Variants in NSD1 observed in about 807,000 individuals in gnomAD.
The protein encoded by NSD1 is histone-lysine N-methyltransferase, H3 lysine-36 specific.
In NSD1, 26 loss-of-function variants were observed where a neutral mutation model predicts 242.7. The observed-to-expected ratio is 0.11, with a 90% CI of 0.08 to 0.15. The LOEUF (loss-of-function observed/expected upper bound fraction) is 0.15. NSD1 is among the 10% of genes least tolerant of loss of function. The pLI is 1.00. For synonymous variants in NSD1, 1,106 were observed against 1,178.1 expected (o/e 0.94, Z 1.25); for missense variants, 2,495 against 3,272.8 (o/e 0.76, Z 5.80).
chr5:177,260,339 CTTTTTTTTTT>C (rs1174250871), intron 14 of NSD1, among the ~76,000 whole-genome samples, 171 bp downstream of exon 14: 1 of 85,836 alleles, frequency 1.2e-5, no homozygotes, highest in Non-Finnish European at 2.2e-5. Flanking sequence ...CATAGCAGAA[CTTTTTTTTTT>C]TTTTTTTTTT....
chr5:177,298,941 C>G lies in NSD1; in HGVS notation c.*3482C>G, dbSNP rs924707439. On this transcript the variant is annotated 3_prime_UTR_variant, in exon 23 of 23. Coordinates refer to ENST00000439151, the MANE Select transcript of NSD1 (RefSeq NM_022455.5). ...CAGCCAGGTTAGAGGAGCCCAGTGT[C>G]CTAACCTCTCTCAGATCATGGCAGA... The G allele has an allele frequency of 4.3e-6, 1 of 233,212 alleles. No individual in the cohort carries two copies. Among genetic ancestry groups the G allele is most frequent in the African/African-American group, 2.2e-5 (1 of 45,470 alleles). 14.4% of individuals were successfully genotyped at this position (233,212 alleles called of 1,614,324 possible). A position where few individuals can be genotyped will look rare whatever the true frequency, so the allele number is the denominator to read the frequency against.
rs114703196 is a variant in NSD1 at position 177,149,889 on chromosome 5, C to G, written c.927+13859C>G. 7.1e-3 allele frequency among the ~76,000 whole-genome samples: 1,074 copies of G among 152,198 alleles called. 16 individuals carry two copies. The highest frequency in any genetic ancestry group is 0.025 in the African/African-American group (1,028 of 41,542). The stretch of plus-strand genomic sequence containing the variant: ...GGCCTGGGCGTTGGGGACCCCTGTT[C>G]TAGATGATCCACATTCTTTTAAATG... On this transcript the variant is annotated intron_variant, in intron 2 of 22. Transcript: ENST00000439151.
At chr5:177,144,647 G>C (rs1757087122) in intron 2 of NSD1, among the ~76,000 whole-genome samples, 1 of 152,060 alleles carries the variant, frequency 6.6e-6, no homozygotes, top group Non-Finnish European at 1.5e-5. Context: ...CTGGTTTTCA[G>C]GGGAGCCCAT....
chr5:177,299,897 GA>G lies in NSD1; in HGVS notation c.*4439del, dbSNP rs1047309574. On this transcript the variant is annotated 3_prime_UTR_variant, in exon 23 of 23. Coordinates refer to ENST00000439151, the MANE Select transcript of NSD1 (RefSeq NM_022455.5). ...GGTGGGTGCTACCTGTGTGTGTGTA[GA>G]TGAGTGTGCTGAAGGTGGGGAGGGC... The G allele has an allele frequency of 4.3e-6, 1 of 233,200 alleles. No individual in the cohort carries two copies. 14.4% of individuals were successfully genotyped at this position (233,200 alleles called of 1,614,324 possible).
In NSD1 at chr5:177,251,792, G is replaced by A. The variant is rs372197933; in HGVS notation, c.4704G>A (p.Leu1568=). The change falls in exon 12 of 23, where the codon CTG becomes CTA. Residue 1568 remains leucine, a synonymous_variant. Transcript: ENST00000439151. Reference sequence around the variant, plus strand: ...CTCAGTGCTGTGGGGCTTTCCACCTGGAGTGCCTTGGATTGACTGAGATGC... The same window carrying A: ...CTCAGTGCTGTGGGGCTTTCCACCTAGAGTGCCTTGGATTGACTGAGATGC... ...CEAQCCGAFH[L]ECLGLTEMPR... is the part of the protein sequence containing the mutation. 6.2e-7 allele frequency: 1 copy of A among 1,614,002 alleles called. No individual in the cohort carries two copies. Among genetic ancestry groups the A allele is most frequent in the African/African-American group, 1.3e-5 (1 of 74,930 alleles).
At chr5:177,172,491 G>GT (rs987645120) in intron 2 of NSD1, among the ~76,000 whole-genome samples, 1 of 152,142 alleles carries the variant, frequency 6.6e-6, no homozygotes, top group African/African-American at 2.4e-5. Flanking sequence ...TGACTTTGAA[G>GT]TAACATGAAT....
chr5:177,138,826 A>T (rs1320489467), intron 2 of NSD1, among the ~76,000 whole-genome samples: 1 of 149,586 alleles, frequency 6.7e-6, no homozygotes, highest in Admixed American at 6.6e-5. Context: ...TTTAGTAGAG[A>T]TGGGGTTTTA....
At position 177,294,706 on chromosome 5, in the gene NSD1, T is replaced by C; in HGVS notation, c.7338T>C (p.Thr2446=). 6.2e-7 allele frequency: 1 copy of C among 1,614,208 alleles called. No homozygotes were observed. Among genetic ancestry groups the C allele is most frequent in the Admixed American group, 1.7e-5 (1 of 60,026 alleles). ...CACTGAGGCCTGTGGACCAGAATAC[T>C]CAGTCAAAAAATAGAGCTGCTTTGG... ...EKALRPVDQN[T]QSKNRAALVM... Residue 2446 remains threonine (T), a synonymous_variant, in exon 23 of 23, where the codon ACT becomes ACC. Transcript: ENST00000439151.
intron 2 of NSD1, among the ~76,000 whole-genome samples, chr5:177,153,208 G>GTTT (rs575455880): frequency 8.1e-5 from 11 of 135,838 alleles, no homozygotes; most frequent in African/African-American, 1.9e-4. Flanking sequence ...TTCTTTTTCT[G>GTTT]TTTTTTTTTT....
At chr5:177,263,672 C>T (rs1757172283) in intron 14 of NSD1, among the ~76,000 whole-genome samples, 5 of 152,186 alleles carry the variant, frequency 3.3e-5, no homozygotes, top group Admixed American at 3.3e-4. Context: ...TGAGTTAAAG[C>T]ACTCATGCAA....
intron 5 of NSD1, among the ~76,000 whole-genome samples, chr5:177,213,553 C>T (rs1282145916): frequency 7.9e-5 from 12 of 152,128 alleles, no homozygotes; most frequent in Non-Finnish European, 1.5e-4. Flanking sequence ...CTGCAGGCTC[C>T]GCCTCCCGGG....
chr5:177,154,292 G>C (rs1757951764), intron 2 of NSD1, among the ~76,000 whole-genome samples: 1 of 152,070 alleles, frequency 6.6e-6, no homozygotes, highest in Admixed American at 6.6e-5. Context: ...AGATAGGGAA[G>C]GGATTACACA....
chr5:177,253,882 C>T (rs1285005036), intron 12 of NSD1, among the ~76,000 whole-genome samples: 1 of 152,176 alleles, frequency 6.6e-6, no homozygotes, highest in Non-Finnish European at 1.5e-5. Context: ...AGCAGTCCTC[C>T]TCGTTCAGCC....
chr5:177,194,718 T>C (rs1265036961), intron 3 of NSD1, among the ~76,000 whole-genome samples: 1 of 143,668 alleles, frequency 7.0e-6, no homozygotes, highest in Non-Finnish European at 1.5e-5. Context: ...TTTTTTTTTT[T>C]TGAGGCAGAG....
Position 177,240,070 on chromosome 5 carries a change from G to A in NSD1, c.4302+205G>A, listed in dbSNP as rs542332553. On this transcript the variant is annotated intron_variant, in intron 8 of 22. Transcript: ENST00000439151. The stretch of plus-strand genomic sequence containing the variant: ...CATGTATGTGTATAAACTGGTTTCA[G>A]GTTTCCTTTCCAAGTGAAAAAAATT... Among the ~76,000 whole-genome samples the A allele has an allele frequency of 2.0e-5, 3 of 152,244 alleles. No homozygotes were observed. The East Asian group carries it at 5.8e-4, about 29-fold the overall frequency.
chr5:177,209,372 A>G (rs767934178), intron 4 of NSD1, among the ~76,000 whole-genome samples: 45 of 151,748 alleles, frequency 3.0e-4, no homozygotes, highest in Non-Finnish European at 5.4e-4. Context: ...TACTGAAAAT[A>G]CAAAAAATTA....
Position 177,238,204 on chromosome 5 carries a change from C to A in NSD1, c.3922-33C>A. 1 of 1,613,166 alleles carries A rather than the reference C, an allele frequency of 6.2e-7. No individual in the cohort carries two copies. Among genetic ancestry groups the A allele is most frequent in the Non-Finnish European group, 8.5e-7 (1 of 1,179,262 alleles). ...GACACTTAAATTACAACAATTTTGG[C>A]CTGTGGACTCTATTTTTATTTTTTG... is the stretch of plus-strand genomic sequence containing the variant. On this transcript the variant is annotated intron_variant, in intron 6 of 22. Transcript: ENST00000439151. This position sits in a 1 kb window ranked among gnomAD's most constrained non-coding sequence, Gnocchi z 4.6.
At chr5:177,201,700 A>G (rs996328894) in intron 3 of NSD1, among the ~76,000 whole-genome samples, 1 of 151,428 alleles carries the variant, frequency 6.6e-6, no homozygotes, top group African/African-American at 2.4e-5. Flanking sequence ...CTTGGATTAC[A>G]GGCAAGTTGC....
At chr5:177,158,323 T>G (rs1394284189) in intron 2 of NSD1, among the ~76,000 whole-genome samples, 1 of 149,990 alleles carries the variant, frequency 6.7e-6, no homozygotes, top group Non-Finnish European at 1.5e-5. Flanking sequence ...TTCTTTCTTT[T>G]CTTTCTTTTC....
Sources: allele counts gnomAD v4.1 joint callset (sites outside exome capture counted in the v4.1 genomes callset), GRCh38; gene constraint gnomAD v4.1.1; non-coding constraint Gnocchi (gnomAD v3.1); transcripts MANE v1.5; gene names NCBI Gene and HGNC (gene_info 2026-07-23, HGNC 2026-07-21).